GLIS3: variants seen among roughly 807,000 people sequenced by gnomAD.
The protein encoded by GLIS3 is zinc finger protein GLIS3.
Under a neutral mutation model 78.6 loss-of-function variants are expected in GLIS3, and 53 were observed. The ratio of observed to expected loss-of-function variants is 0.67; its 90% CI spans 0.54 to 0.85. The LOEUF (loss-of-function observed/expected upper bound fraction) is 0.85, where lower values mean the gene tolerates loss of function less well. Ranked by LOEUF, GLIS3 falls within the 40% of genes least tolerant of loss-of-function variation. The pLI is 0.00. For missense variants in GLIS3, 1,703 were observed against 1,231.1 expected, an observed-to-expected ratio of 1.38 and a Z score of -5.74; for synonymous variants, 684 against 509.9, an observed-to-expected ratio of 1.34 and a Z score of -4.60.
chr9:4,478,938 C>T, the GLIS3 span, among the ~76,000 whole-genome samples: 1 of 152,086 alleles, frequency 6.6e-6, no homozygotes, highest in African/African-American at 2.4e-5. Context: ...CATCTAACTA[C>T]CAACTTATAG....
intron 2 of GLIS3, among the ~76,000 whole-genome samples, chr9:4,233,652 T>C (rs1189885560): frequency 1.3e-5 from 2 of 152,314 alleles, no homozygotes; most frequent in African/African-American, 4.8e-5. Flanking sequence ...TTCAAAATGG[T>C]AAATGAACAC....
intron 9 of GLIS3, among the ~76,000 whole-genome samples, chr9:3,835,328 C>A (rs928359557): frequency 2.6e-5 from 4 of 152,152 alleles, no homozygotes; most frequent in African/African-American, 9.7e-5. Context: ...ACAATAGGAA[C>A]CCCTCAAAAA....
chr9:4,162,583 GGT>G (rs1586846713), intron 2 of GLIS3, among the ~76,000 whole-genome samples: 10 of 152,142 alleles, frequency 6.6e-5, no homozygotes, highest in South Asian at 2.1e-4. Context: ...TCACTGGCCG[GGT>G]GCGGTGGCTC....
At chr9:4,393,529 T>C in the GLIS3 span, among the ~76,000 whole-genome samples, 1 of 152,180 alleles carries the variant, frequency 6.6e-6, no homozygotes. Context: ...CAAGATCTAA[T>C]CCCGTATCGC....
intron 2 of GLIS3, among the ~76,000 whole-genome samples, chr9:4,146,027 T>C (rs916366732): frequency 1.3e-5 from 2 of 152,226 alleles, no homozygotes; most frequent in Non-Finnish European, 2.9e-5. Flanking sequence ...AATTTTAACC[T>C]ATAAAACCTA....
intron 2 of GLIS3, among the ~76,000 whole-genome samples, chr9:4,271,735 A>G (rs1349562791): frequency 2.0e-5 from 3 of 152,138 alleles, no homozygotes; most frequent in Admixed American, 1.3e-4. Context: ...TACTTGGGGA[A>G]TCAATGCATT....
chr9:4,470,743 G>A, the GLIS3 span, among the ~76,000 whole-genome samples: 2 of 151,990 alleles, frequency 1.3e-5, no homozygotes, highest in Non-Finnish European at 2.9e-5. Context: ...AGTGTTGGAA[G>A]TTCTGGCCAG....
intron 4 of GLIS3, among the ~76,000 whole-genome samples, chr9:3,972,482 C>T (rs1054857611): frequency 2.0e-5 from 3 of 152,176 alleles, no homozygotes; most frequent in Non-Finnish European, 2.9e-5. Flanking sequence ...CCAAAGGAAG[C>T]ATGAGCTTCT....
At chr9:4,195,907 T>C (rs1818794804) in intron 2 of GLIS3, among the ~76,000 whole-genome samples, 1 of 152,242 alleles carries the variant, frequency 6.6e-6, no homozygotes, top group African/African-American at 2.4e-5. Context: ...GGATTGTAAA[T>C]GCACCAATCA....
chr9:4,051,244 A>G (rs1451103873), intron 4 of GLIS3, among the ~76,000 whole-genome samples: 1 of 152,228 alleles, frequency 6.6e-6, no homozygotes, highest in African/African-American at 2.4e-5. Context: ...AAGACATTCA[A>G]TTGCTTATTT....
chr9:4,410,697 G>A, the GLIS3 span, among the ~76,000 whole-genome samples: 2 of 152,172 alleles, frequency 1.3e-5, no homozygotes, highest in South Asian at 2.1e-4. Flanking sequence ...ATCAGGGGAC[G>A]TTGTCAAGGA....
intron 2 of GLIS3, among the ~76,000 whole-genome samples, chr9:4,187,118 T>A (rs1563720893): frequency 1.3e-5 from 2 of 152,228 alleles, no homozygotes; most frequent in Non-Finnish European, 2.9e-5. Context: ...CCAGGGTTTT[T>A]ATGCTTTTAG....
chr9:4,142,656 T>A (rs1432586332), intron 2 of GLIS3, among the ~76,000 whole-genome samples: 2 of 152,188 alleles, frequency 1.3e-5, no homozygotes, highest in African/African-American at 4.8e-5. Flanking sequence ...TAAAATATTA[T>A]AATAAATCCC....
At chr9:3,940,615 G>C (rs1253544275) in intron 4 of GLIS3, among the ~76,000 whole-genome samples, 3 of 152,100 alleles carry the variant, frequency 2.0e-5, no homozygotes. Flanking sequence ...TTCAAAAACA[G>C]ACTACATACA....
At chr9:4,293,183 T>A (rs774105096) in intron 1 of GLIS3, among the ~76,000 whole-genome samples, 4 of 152,224 alleles carry the variant, frequency 2.6e-5, no homozygotes, top group Admixed American at 6.5e-5. Flanking sequence ...TCCATATGAC[T>A]AAGTATTTGC....
At chr9:4,135,037 T>G (rs959939590) in intron 2 of GLIS3, among the ~76,000 whole-genome samples, 2 of 152,112 alleles carry the variant, frequency 1.3e-5, no homozygotes, top group Admixed American at 6.6e-5. Context: ...AAAAAAGATA[T>G]TCTGGTGGGA....
chr9:4,413,575 A>G, the GLIS3 span, among the ~76,000 whole-genome samples: 1 of 152,112 alleles, frequency 6.6e-6, no homozygotes, highest in Non-Finnish European at 1.5e-5. Context: ...GGTAATCATT[A>G]GCTTGCCAAA....
the GLIS3 span, among the ~76,000 whole-genome samples, chr9:4,409,219 A>T: frequency 6.6e-6 from 1 of 152,206 alleles, no homozygotes; most frequent in Non-Finnish European, 1.5e-5. Context: ...TGTTGTTACC[A>T]GAATGGTTAT....
intron 7 of GLIS3, chr9:3,898,482 T>A: frequency 1.6e-6 from 1 of 636,240 alleles, no homozygotes; most frequent in Non-Finnish European, 2.8e-6. Flanking sequence ...GGTAATGCAT[T>A]ATTTTATTTT....
Sources: allele counts gnomAD v4.1 joint callset (sites outside exome capture counted in the v4.1 genomes callset), GRCh38; gene constraint gnomAD v4.1.1; transcripts MANE v1.5; gene names NCBI Gene and HGNC (gene_info 2026-07-23, HGNC 2026-07-21).